The following MID2 variants were observed in gnomAD, a reference collection of about 807,000 sequenced individuals.
MID2 encodes midline 2, also known as probable E3 ubiquitin-protein ligase MID2.
A neutral mutation model predicts 46.1 loss-of-function variants in MID2; 13 were observed. That is an observed-to-expected ratio of 0.28 (90% CI 0.18 to 0.45). The LOEUF (loss-of-function observed/expected upper bound fraction) is 0.45. MID2 is among the 20% of genes least tolerant of loss of function. The pLI is 1.00. For missense variants in MID2, 431 were observed against 575.4 expected (o/e 0.75, Z 2.57); for synonymous variants, 199 against 212.3 (o/e 0.94, Z 0.55).
intron 3 of MID2, among the ~76,000 whole-genome samples, chrX:107,896,797 C>T (rs772830800): frequency 1.5e-4 from 17 of 110,013 alleles, no homozygotes; most frequent in Non-Finnish European, 2.1e-4. Flanking sequence ...TTTGTGAGCA[C>T]AGCCTCTCTC....
At chrX:107,891,538 C>T (rs1055049820) in intron 3 of MID2, among the ~76,000 whole-genome samples, 1 of 111,724 alleles carries the variant, frequency 9.0e-6, no homozygotes, top group Non-Finnish European at 1.9e-5. Context: ...CTTAGCCTCC[C>T]AAAGTGCTGG....
chrX:107,915,673 C>G (rs73533462), intron 5 of MID2, among the ~76,000 whole-genome samples: 2,108 of 111,462 alleles, frequency 0.019, 53 homozygotes, highest in African/African-American at 0.064. Flanking sequence ...TTTTACCAAA[C>G]CTTTAAAGGT....
intron 5 of MID2, among the ~76,000 whole-genome samples, chrX:107,907,000 T>C (rs1932841314): frequency 8.9e-6 from 1 of 112,547 alleles, no homozygotes; most frequent in Admixed American, 9.4e-5. Context: ...CGCTTCTTTC[T>C]TTAGCCTATT....
chrX:107,910,379 A>G (rs1319672028), intron 5 of MID2, among the ~76,000 whole-genome samples: 1 of 111,997 alleles, frequency 8.9e-6, no homozygotes, highest in East Asian at 2.8e-4. Context: ...TCTATACCAC[A>G]TTTTCTTTAT....
At chrX:107,915,182 A>G (rs1336306414) in intron 5 of MID2, among the ~76,000 whole-genome samples, 1 of 112,098 alleles carries the variant, frequency 8.9e-6, no homozygotes, top group Non-Finnish European at 1.9e-5. Context: ...TGCTCTTGAG[A>G]CTCCTAGATT....
chrX:107,851,652 A>AAAC (rs746654148), intron 2 of MID2, among the ~76,000 whole-genome samples: 1,122 of 108,827 alleles, frequency 0.01, 22 homozygotes, highest in African/African-American at 0.031. Context: ...TCCTCAGTGC[A>AAAC]AACAACAACA....
intron 3 of MID2, among the ~76,000 whole-genome samples, chrX:107,888,157 C>G (rs1932508538): frequency 9.0e-6 from 1 of 111,282 alleles, no homozygotes; most frequent in Non-Finnish European, 1.9e-5. Context: ...TATTTCTTGC[C>G]TTCTGCTAGC....
chrX:107,876,363 G>A (rs763644912), intron 3 of MID2, among the ~76,000 whole-genome samples: 2 of 111,463 alleles, frequency 1.8e-5, no homozygotes, highest in Admixed American at 1.9e-4. Flanking sequence ...TATCCTTTAG[G>A]ATTAGTTGTC....
At chrX:107,897,359 T>G (rs1342685453) in intron 3 of MID2, among the ~76,000 whole-genome samples, 1 of 111,922 alleles carries the variant, frequency 8.9e-6, no homozygotes, top group African/African-American at 3.2e-5. Flanking sequence ...CTCAGTATTT[T>G]TTTTGCTTGC....
chrX:107,910,244 A>G (rs906073073), intron 5 of MID2, among the ~76,000 whole-genome samples: 1 of 111,711 alleles, frequency 9.0e-6, no homozygotes, highest in Non-Finnish European at 1.9e-5. Flanking sequence ...GTGCGAGATC[A>G]TATGGTATTT....
At chrX:107,856,495 C>A (rs1931739934) in intron 3 of MID2, among the ~76,000 whole-genome samples, 1 of 111,922 alleles carries the variant, frequency 8.9e-6, no homozygotes, top group African/African-American at 3.2e-5. Flanking sequence ...GCAAAGTAAG[C>A]AGTTTATTTT....
chrX:107,848,362 T>C (rs1316347168), intron 2 of MID2, among the ~76,000 whole-genome samples: 3 of 111,892 alleles, frequency 2.7e-5, no homozygotes, highest in Non-Finnish European at 5.6e-5. Flanking sequence ...TTTAAGTTTT[T>C]AGTACAGGTT....
At chrX:107,837,598 A>C (rs1931238416) in intron 1 of MID2, among the ~76,000 whole-genome samples, 1 of 98,961 alleles carries the variant, frequency 1.0e-5, no homozygotes, top group African/African-American at 3.9e-5. Flanking sequence ...TCCAGAATTC[A>C]AAAAAAAAAA....
rs1932216675 is a variant in MID2, at chrX:107,877,026, C to T, written c.816+22322C>T. ...CCCAGAGGAGCAGCGCTGGAGGGAG[C>T]TGGCTGTCCTGCTGGAGGTGTCTCT... On this transcript the variant is annotated intron_variant, in intron 3 of 9. Transcript: ENST00000262843. Among the ~76,000 whole-genome samples the T allele has an allele frequency of 3.6e-5, 4 of 111,460 alleles. No individual in the cohort carries two copies. In the South Asian group the frequency reaches 1.5e-3, roughly 43 times the overall value.
chrX:107,887,202 A>C (rs1430275342), intron 3 of MID2, among the ~76,000 whole-genome samples: 73 of 111,800 alleles, frequency 6.5e-4, no homozygotes, highest in African/African-American at 2.4e-3. Context: ...GTCTTGTGCC[A>C]GTTTTCAAAG....
chrX:107,905,536 G>GGTCAACA lies in MID2; in HGVS notation c.987_993dup (p.Leu332AsnfsTer8). The GGTCAACA allele has an allele frequency of 8.3e-7, 1 of 1,207,089 alleles. No homozygotes were observed. Among genetic ancestry groups the GGTCAACA allele is most frequent in the Non-Finnish European group, 1.1e-6 (1 of 892,269 alleles). On this transcript the variant is annotated frameshift_variant, in exon 5 of 10. Transcript: ENST00000262843. LOFTEE classifies it high-confidence loss of function. ...GCTAATTGCCGCCAGTGTCTTGAACGGTCAACAGTCCTCATCAACCAAGCT... is the reference window on the plus strand; with the variant it reads ...GCTAATTGCCGCCAGTGTCTTGAACGGTCAACAGTCAACAGTCCTCATCAACCAAGCT...
At chrX:107,859,056 CTT>C (rs745941624) in intron 3 of MID2, among the ~76,000 whole-genome samples, 26 of 111,946 alleles carry the variant, frequency 2.3e-4, no homozygotes, top group Middle Eastern at 4.6e-3. Flanking sequence ...AAGTCTCTCT[CTT>C]TAGAGTTCAA....
chrX:107,884,986 C>T (rs972982790), intron 3 of MID2, among the ~76,000 whole-genome samples: 1 of 111,760 alleles, frequency 8.9e-6, no homozygotes, highest in African/African-American at 3.2e-5. Context: ...ACAACCATAA[C>T]TAATTATTTC....
chrX:107,900,313 A>AAT (rs1169816656), intron 3 of MID2, among the ~76,000 whole-genome samples: 2 of 111,812 alleles, frequency 1.8e-5, no homozygotes, highest in Non-Finnish European at 3.8e-5. Context: ...TCAGTCAGTA[A>AAT]ATGTTTGTTG....
Sources: allele counts gnomAD v4.1 joint callset (sites outside exome capture counted in the v4.1 genomes callset), GRCh38; gene constraint gnomAD v4.1.1; transcripts MANE v1.5; gene names NCBI Gene and HGNC (gene_info 2026-07-23, HGNC 2026-07-21).